The following DMD variants were observed in gnomAD, a reference collection of about 807,000 sequenced individuals.
DMD encodes dystrophin.
In DMD, 63 loss-of-function variants were observed where a neutral mutation model predicts 330.1. That is an observed-to-expected ratio of 0.19 (90% confidence interval 0.16 to 0.24). The LOEUF (loss-of-function observed/expected upper bound fraction) is 0.24. DMD is among the 10% of genes least tolerant of loss of function. The pLI is 1.00. For missense variants in DMD, 3,344 were observed against 2,684.1 expected (o/e 1.25, Z -5.43); for synonymous variants, 1,223 against 959.8 (o/e 1.27, Z -5.07).
intron 62 of DMD, among the ~76,000 whole-genome samples, chrX:31,273,931 C>T (rs1185926937): frequency 8.9e-6 from 1 of 111,995 alleles, no homozygotes; most frequent in East Asian, 2.8e-4. Context: ...AATGACACAA[C>T]GGCTCTGACA....
intron 50 of DMD, among the ~76,000 whole-genome samples, chrX:31,787,148 G>C (rs2091344802): frequency 9.0e-6 from 1 of 111,653 alleles, no homozygotes; most frequent in Non-Finnish European, 1.9e-5. Flanking sequence ...TGAGGTGGTA[G>C]AACACCTGAG....
chrX:31,708,325 T>C (rs1184825219), intron 52 of DMD, among the ~76,000 whole-genome samples: 5 of 111,631 alleles, frequency 4.5e-5, no homozygotes, highest in African/African-American at 1.3e-4. Flanking sequence ...CTTAGCTATT[T>C]CTGAGTCACA....
At chrX:32,798,267 A>C (rs1044006253) in intron 7 of DMD, among the ~76,000 whole-genome samples, 7 of 112,195 alleles carry the variant, frequency 6.2e-5, no homozygotes, top group African/African-American at 2.3e-4. Flanking sequence ...GAAATGGATA[A>C]GGAGAACAAA....
At chrX:32,263,199 T>C (rs2097330613) in intron 43 of DMD, among the ~76,000 whole-genome samples, 1 of 112,156 alleles carries the variant, frequency 8.9e-6, no homozygotes, top group South Asian at 3.7e-4. Context: ...ATGATACAAT[T>C]TTGTTTATCA....
chrX:33,107,480 G>T (rs1381836875), intron 1 of DMD, among the ~76,000 whole-genome samples: 1 of 110,546 alleles, frequency 9.0e-6, no homozygotes, highest in Non-Finnish European at 1.9e-5. Flanking sequence ...AAATAGGATA[G>T]GGCACTGGAA....
At chrX:33,034,881 A>C (rs531599392) in intron 1 of DMD, among the ~76,000 whole-genome samples, 1 of 112,281 alleles carries the variant, frequency 8.9e-6, no homozygotes, top group South Asian at 3.7e-4. Context: ...GTGAGGACTA[A>C]ATAAGCCATT....
At chrX:32,790,256 A>G (rs967698383) in intron 7 of DMD, among the ~76,000 whole-genome samples, 1 of 112,035 alleles carries the variant, frequency 8.9e-6, no homozygotes. Context: ...AAAGAAGGAA[A>G]TGAGGCACTC....
chrX:32,851,156 A>G (rs775956999), intron 2 of DMD, among the ~76,000 whole-genome samples: 1 of 111,308 alleles, frequency 9.0e-6, no homozygotes, highest in African/African-American at 3.3e-5. Flanking sequence ...GTTTCCAGGC[A>G]AAAGACATCC....
chrX:32,218,877 A>T (rs2097123124), intron 43 of DMD, among the ~76,000 whole-genome samples: 1 of 111,923 alleles, frequency 8.9e-6, no homozygotes, highest in Admixed American at 9.5e-5. Flanking sequence ...TTGTGAAATT[A>T]TTTTTCCAAG....
rs202213555 is a variant in DMD, at chrX:32,803,404, C to CA, written c.649+6088dup. Among the ~76,000 whole-genome samples the CA allele has an allele frequency of 3.5e-3, 368 of 106,530 alleles. 3 individuals carry two copies. Among genetic ancestry groups the CA allele is most frequent in the African/African-American group, 0.013 (354 of 28,109 alleles). The allele number at this position is 106,530 out of a possible 115,157, so 92.5% of individuals were successfully genotyped here. ...TAGCCATCTATTTTGTTAATCTTTT[C>CA]AAAAAAACAGCTCCTGAATTGAGTT... On this transcript the variant is annotated intron_variant, in intron 7 of 78. Transcript: ENST00000357033.
chrX:32,098,724 C>T (rs758209722), intron 44 of DMD, among the ~76,000 whole-genome samples: 8 of 111,652 alleles, frequency 7.2e-5, no homozygotes, highest in African/African-American at 1.6e-4. Context: ...CTTATTCTCC[C>T]GGGGCTAAAT....
At position 32,471,433 on chromosome X, in the gene DMD, A is replaced by C. The variant is rs1337595279; in HGVS notation, c.2949+731T>G. Among the ~76,000 whole-genome samples, 3 of 111,953 alleles carry C rather than the reference A, an allele frequency of 2.7e-5. No homozygotes were observed. In the East Asian group the frequency reaches 8.3e-4, roughly 31 times the overall value. On this transcript the variant is annotated intron_variant, in intron 22 of 78. Transcript: ENST00000357033. ...TTACATTACAGAAAATTAATGTTTAAATTTAAACCAATTTTATAAATATAG... is the reference window on the plus strand; with the variant it reads ...TTACATTACAGAAAATTAATGTTTACATTTAAACCAATTTTATAAATATAG...
intron 23 of DMD, among the ~76,000 whole-genome samples, chrX:32,467,794 G>T (rs2040198662): frequency 9.2e-6 from 1 of 109,198 alleles, no homozygotes; most frequent in Non-Finnish European, 1.9e-5. Context: ...AGCCCACAGA[G>T]ATTAATTCTG....
At chrX:31,720,387 T>C (rs1002114103) in intron 52 of DMD, among the ~76,000 whole-genome samples, 1 of 111,923 alleles carries the variant, frequency 8.9e-6, no homozygotes, top group African/African-American at 3.2e-5. Context: ...AAATGCATGA[T>C]GCCATCAGGG....
At chrX:32,950,868 C>T (rs756882201) in intron 2 of DMD, among the ~76,000 whole-genome samples, 2 of 111,617 alleles carry the variant, frequency 1.8e-5, no homozygotes, top group Non-Finnish European at 3.8e-5. Context: ...CTTTTATGAA[C>T]CATGTGCTAT....
chrX:33,324,024 G>T (rs182209001), intron 1 of DMD, among the ~76,000 whole-genome samples: 238 of 110,888 alleles, frequency 2.1e-3, no homozygotes, highest in Non-Finnish European at 1.9e-3. Context: ...TTTGATAATT[G>T]CCCTCATTAT....
intron 34 of DMD, among the ~76,000 whole-genome samples, chrX:32,365,518 C>T (rs1400428889): frequency 2.7e-5 from 3 of 110,678 alleles, no homozygotes; most frequent in Non-Finnish European, 3.8e-5. Context: ...ATTTGAAAAT[C>T]CATCCACAAA....
intron 67 of DMD, among the ~76,000 whole-genome samples, chrX:31,203,572 C>T (rs758634337): frequency 2.9e-4 from 33 of 112,188 alleles, no homozygotes; most frequent in Non-Finnish European, 5.1e-4. Context: ...AATTTACCAA[C>T]AGCCATTGAA....
chrX:32,548,719 T>A (rs1450946924), intron 16 of DMD, among the ~76,000 whole-genome samples: 1 of 111,896 alleles, frequency 8.9e-6, no homozygotes, highest in African/African-American at 3.2e-5. Context: ...TGCAAAATGT[T>A]GCATTTGTAA....
Sources: gnomAD v4.1 joint callset for allele counts (sites outside exome capture counted in the v4.1 genomes callset) on GRCh38, gnomAD v4.1.1 for gene constraint, MANE v1.5 for transcripts, NCBI Gene and HGNC (gene_info 2026-07-23, HGNC 2026-07-21) for gene names.